ENPP1: variants seen among roughly 807,000 people sequenced by gnomAD.
ENPP1 encodes the protein ectonucleotide pyrophosphatase/phosphodiesterase family member 1.
ENPP1 carries 73 observed loss-of-function variants against 122.8 expected under a neutral mutation model. That is an observed-to-expected ratio of 0.59 (90% CI 0.49 to 0.72). ENPP1 has a LOEUF of 0.72. ENPP1 is among the 30% of genes least tolerant of loss of function. ENPP1 has a pLI of 0.00. For missense variants in ENPP1, 978 were observed against 1,128.1 expected (o/e 0.87, Z 1.91); for synonymous variants, 367 against 391.6 (o/e 0.94, Z 0.74).
rs1158760065 is a variant in ENPP1, at chr6:131,886,806, C to G, written c.2607+82C>G. 6.6e-6 allele frequency: 8 copies of G among 1,212,930 alleles called. No individual in the cohort carries two copies. The South Asian group carries it at 1.1e-4, about 16-fold the overall frequency. 75.1% of individuals were successfully genotyped at this position (1,212,930 alleles called of 1,614,324 possible). On this transcript the variant is annotated intron_variant, in intron 24 of 24. Transcript: ENST00000647893. Reference sequence around the variant, plus strand: ...TGTTTATGTCACCCATCTGACATTACAGTGAGAGAAAGCACAACTGAGTAC... The same window carrying G: ...TGTTTATGTCACCCATCTGACATTAGAGTGAGAGAAAGCACAACTGAGTAC...
intron 2 of ENPP1, among the ~76,000 whole-genome samples, chr6:131,849,348 T>C (rs572003124): frequency 1.3e-4 from 20 of 152,142 alleles, no homozygotes; most frequent in Non-Finnish European, 2.6e-4. Flanking sequence ...GACAAGGTTT[T>C]ATATGAGCTT....
At chr6:131,883,540 A>G (rs774712357) in intron 21 of ENPP1, among the ~76,000 whole-genome samples, 154 bp from the exon 22 acceptor site, 160 of 152,318 alleles carry the variant, frequency 1.1e-3, no homozygotes, top group Non-Finnish European at 1.7e-3. Context: ...GACCAAACAC[A>G]TTACATTTTC....
At chr6:131,808,317 G>T in intron 1 of ENPP1, 42 bp downstream of exon 1, 1 of 1,476,690 alleles carries the variant, frequency 6.8e-7, no homozygotes, top group Non-Finnish European at 9.0e-7. Flanking sequence ...AGGGCTGGGA[G>T]TACGGGGAGG....
intron 13 of ENPP1, 53 bp from the exon 14 acceptor site, chr6:131,872,017 T>C (rs771099376): frequency 7.0e-6 from 9 of 1,280,722 alleles, no homozygotes; most frequent in Non-Finnish European, 1.0e-5. Flanking sequence ...TTGTATTATG[T>C]TTTAATTATA....
In ENPP1 at chr6:131,891,375, G is replaced by A. The variant is rs934944966; in HGVS notation, c.*864G>A. ...CATTTTTTATTGAGATGCTTAGAAT[G>A]TTTCTTTCTGTGCACAAGACTTACC... On this transcript the variant is annotated 3_prime_UTR_variant, in exon 25 of 25. Coordinates refer to ENST00000647893, the MANE Select transcript of ENPP1 (RefSeq NM_006208.3). The A allele has an allele frequency of 6.6e-6, 1 of 152,080 alleles. No homozygotes were observed. Among genetic ancestry groups the A allele is most frequent in the African/African-American group, 2.4e-5 (1 of 41,416 alleles). The allele number at this position is 152,080 out of a possible 1,614,324, so 9.4% of individuals were successfully genotyped here. A position where few individuals can be genotyped will look rare whatever the true frequency, so the allele number is the denominator to read the frequency against.
intron 11 of ENPP1, among the ~76,000 whole-genome samples, chr6:131,866,491 G>A (rs1251264097): frequency 6.6e-6 from 1 of 152,184 alleles, no homozygotes; most frequent in Non-Finnish European, 1.5e-5. Flanking sequence ...TACAACAGCT[G>A]CCTAAACCAT....
intron 24 of ENPP1, among the ~76,000 whole-genome samples, chr6:131,889,488 A>G (rs6905420): frequency 4.6e-5 from 7 of 150,960 alleles, no homozygotes; most frequent in Admixed American, 2.6e-4. Context: ...TGAGGTTTCG[A>G]TTTTCTGTTT....
rs80231701 is a variant in ENPP1 at position 131,879,896 on chromosome 6, T to A, written c.1962T>A (p.His654Gln). The change falls in exon 20 of 25, where the codon CAT (histidine) becomes CAA (glutamine). Residue 654 changes from histidine to glutamine, a missense_variant. Transcript: ENST00000647893. ...LTVAEEKIIKHETLPYGRPRV... is the reference protein window; with the variant it reads ...LTVAEEKIIKQETLPYGRPRV... The stretch of plus-strand genomic sequence containing the variant: ...TGACCCAAGAGAAGATTATTAAGCA[T>A]GAAACTTTACCCTATGGAAGACCTA... 7 of 1,613,752 alleles carry A rather than the reference T, an allele frequency of 4.3e-6. No individual in the cohort carries two copies. The African/African-American group carries it at 5.3e-5, about 12-fold the overall frequency.
intron 1 of ENPP1, chr6:131,826,605 G>C (rs60655390): frequency 9.9e-7 from 1 of 1,014,462 alleles, no homozygotes; most frequent in East Asian, 2.5e-5. Flanking sequence ...TGCATTCCAG[G>C]TCACAGCTGA....
intron 1 of ENPP1, among the ~76,000 whole-genome samples, chr6:131,818,191 G>A (rs1362171974): frequency 2.0e-5 from 3 of 151,984 alleles, no homozygotes; most frequent in Non-Finnish European, 4.4e-5. Context: ...CTTTCACTGT[G>A]TTGACTTTTA....
intron 5 of ENPP1, 24 bp downstream of exon 5, chr6:131,852,259 A>G: frequency 6.6e-7 from 1 of 1,514,740 alleles, no homozygotes; most frequent in Non-Finnish European, 9.1e-7. Flanking sequence ...CTGAGGTATT[A>G]ATTTTTTCTT....
intron 1 of ENPP1, among the ~76,000 whole-genome samples, chr6:131,828,676 A>T (rs1197903004): frequency 6.6e-6 from 1 of 152,234 alleles, no homozygotes; most frequent in Non-Finnish European, 1.5e-5. Flanking sequence ...CCTGTGGGCC[A>T]TCCAGGTAGA....
intron 23 of ENPP1, among the ~76,000 whole-genome samples, chr6:131,885,852 A>G (rs1782371099): frequency 6.6e-6 from 1 of 152,220 alleles, no homozygotes; most frequent in African/African-American, 2.4e-5. Context: ...TGGAGAGGAT[A>G]CAGAAGAGAA....
At chr6:131,848,952 T>G (rs556178360) in intron 2 of ENPP1, among the ~76,000 whole-genome samples, 44 of 152,318 alleles carry the variant, frequency 2.9e-4, no homozygotes, top group African/African-American at 8.9e-4. Flanking sequence ...TGGCAGTGTC[T>G]TTTTGGGTCA....
At chr6:131,845,719 A>G (rs1781801613) in intron 1 of ENPP1, among the ~76,000 whole-genome samples, 1 of 152,078 alleles carries the variant, frequency 6.6e-6, no homozygotes, top group South Asian at 2.1e-4. Flanking sequence ...TCAGCCTCTC[A>G]AAGTGCCTGG....
chr6:131,827,773 G>T (rs1781563070), intron 1 of ENPP1: 3 of 788,068 alleles, frequency 3.8e-6, no homozygotes, highest in Middle Eastern at 4.7e-4. Context: ...TATACCAGCT[G>T]ACTCCAAAGC....
chr6:131,832,240 G>A (rs1403625198), intron 1 of ENPP1, among the ~76,000 whole-genome samples: 1 of 151,608 alleles, frequency 6.6e-6, no homozygotes, highest in Non-Finnish European at 1.5e-5. Flanking sequence ...ATAATCAAAA[G>A]TCAGTTTCTC....
At chr6:131,827,989 G>T in intron 1 of ENPP1, 1 of 720,470 alleles carries the variant, frequency 1.4e-6, no homozygotes, top group Admixed American at 1.8e-5. Flanking sequence ...GCTGGTACCT[G>T]GGGTAGTGAA....
intron 7 of ENPP1, 89 bp downstream of exon 7, chr6:131,858,836 A>G: frequency 1.0e-6 from 1 of 1,001,300 alleles, no homozygotes; most frequent in South Asian, 1.3e-5. Flanking sequence ...GATAAAAGAA[A>G]AACAACTTAT....
Sources: gnomAD v4.1 joint callset for allele counts (sites outside exome capture counted in the v4.1 genomes callset) on GRCh38, gnomAD v4.1.1 for gene constraint, MANE v1.5 for transcripts, NCBI Gene and HGNC (gene_info 2026-07-23, HGNC 2026-07-21) for gene names.